Variants in INVS observed in about 807,000 individuals in gnomAD.
INVS encodes inversin.
A neutral mutation model predicts 108.8 loss-of-function variants in INVS; 86 were observed. The ratio of observed to expected loss-of-function variants is 0.79; its 90% CI spans 0.66 to 0.95. The LOEUF is 0.95. INVS is among the 40% of genes least tolerant of loss of function. INVS has a pLI of 0.00. For missense variants in INVS, 1,169 were observed against 1,297.4 expected (o/e 0.90, Z 1.52); for synonymous variants, 455 against 473.5 (o/e 0.96, Z 0.51).
chr9:100,202,556 C>T (rs1226160437), intron 3 of INVS, among the ~76,000 whole-genome samples: 1 of 152,104 alleles, frequency 6.6e-6, no homozygotes, highest in Non-Finnish European at 1.5e-5. Context: ...TTTTTCTTTT[C>T]CACTTCCTTT....
At chr9:100,223,099 T>A (rs1042742689) in intron 3 of INVS, among the ~76,000 whole-genome samples, 14 of 151,838 alleles carry the variant, frequency 9.2e-5, no homozygotes, top group South Asian at 2.1e-4. Flanking sequence ...TTATTTATTT[T>A]TAATTTTTTT....
chr9:100,217,836 C>T (rs183783749), intron 3 of INVS, among the ~76,000 whole-genome samples: 1 of 152,276 alleles, frequency 6.6e-6, no homozygotes, highest in East Asian at 1.9e-4. Context: ...CCTCTCCCAA[C>T]ACTATTGTGG....
At chr9:100,166,925 G>A (rs766483268) in intron 3 of INVS, among the ~76,000 whole-genome samples, 3 of 152,142 alleles carry the variant, frequency 2.0e-5, no homozygotes, top group African/African-American at 7.2e-5. Context: ...AAGCATGTCA[G>A]TCCTCTGCTC....
chr9:100,260,727 A>G (rs1832596094), intron 10 of INVS, among the ~76,000 whole-genome samples: 1 of 152,232 alleles, frequency 6.6e-6, no homozygotes, highest in Non-Finnish European at 1.5e-5. Context: ...TAAGATAACA[A>G]CAGTGGGGGA....
intron 3 of INVS, chr9:100,131,832 T>C (rs1421727833): frequency 3.1e-5 from 20 of 639,292 alleles, no homozygotes; most frequent in Non-Finnish European, 3.7e-5. Flanking sequence ...CATAAATAAT[T>C]CTCAGTTCAT....
intron 10 of INVS, among the ~76,000 whole-genome samples, chr9:100,263,582 C>A (rs1177145197): frequency 6.6e-6 from 1 of 152,230 alleles, no homozygotes; most frequent in Non-Finnish European, 1.5e-5. Context: ...TTAGATCAGG[C>A]CTACCCAGAT....
chr9:100,301,541 AG>A lies in INVS; in HGVS notation c.*870del, dbSNP rs1394432967. On this transcript the variant is annotated 3_prime_UTR_variant, in exon 17 of 17. Coordinates refer to ENST00000262457, the MANE Select transcript of INVS (RefSeq NM_014425.5). ...TTCTTAAAATGCCATTTCTGTTGGCAGGGAAGAATGAAACGGCACACATCCT... is the reference window on the plus strand; with the variant it reads ...TTCTTAAAATGCCATTTCTGTTGGCAGGAAGAATGAAACGGCACACATCCT... 6.6e-6 allele frequency among the ~76,000 whole-genome samples: 1 copy of A among 152,208 alleles called. No homozygotes were observed. The highest frequency in any genetic ancestry group is 2.4e-5 in the African/African-American group (1 of 41,452).
chr9:100,168,664 C>G (rs1292636022), intron 3 of INVS, among the ~76,000 whole-genome samples: 1 of 152,106 alleles, frequency 6.6e-6, no homozygotes, highest in Non-Finnish European at 1.5e-5. Flanking sequence ...AAATATCGGC[C>G]TTATTCATGG....
At chr9:100,235,732 T>C (rs758558260) in intron 5 of INVS, among the ~76,000 whole-genome samples, 47 of 152,188 alleles carry the variant, frequency 3.1e-4, no homozygotes, top group African/African-American at 1.1e-3. Flanking sequence ...TGCAGAGAGA[T>C]CTGCTGTTAA....
intron 3 of INVS, among the ~76,000 whole-genome samples, chr9:100,138,830 C>T (rs1004357834): frequency 7.9e-5 from 12 of 151,476 alleles, no homozygotes; most frequent in African/African-American, 1.5e-4. Context: ...CCTCAGTCTC[C>T]GAAGTAACAG....
At chr9:100,151,413 A>C (rs1028833235) in intron 3 of INVS, among the ~76,000 whole-genome samples, 1 of 152,152 alleles carries the variant, frequency 6.6e-6, no homozygotes, top group South Asian at 2.1e-4. Flanking sequence ...CAGGAGGTTG[A>C]GGCTGCAGTA....
intron 5 of INVS, among the ~76,000 whole-genome samples, chr9:100,238,036 G>A (rs965067780): frequency 1.3e-5 from 2 of 151,804 alleles, no homozygotes; most frequent in South Asian, 2.1e-4. Context: ...ATGCCACCAC[G>A]CACAGCTAAT....
chr9:100,229,678 A>T lies in INVS; in HGVS notation c.466A>T (p.Ser156Cys). ...TTTGCAGCAAACAGCTCTGCATTGGAGTGCCTACTACAATAACCCTGAGCA... is the reference window on the plus strand; with the variant it reads ...TTTGCAGCAAACAGCTCTGCATTGGTGTGCCTACTACAATAACCCTGAGCA... ...DKNKQTALHW[S>C]AYYNNPEHVK... is the part of the protein sequence containing the mutation. The change falls in exon 5 of 17, where the codon AGT becomes TGT. Residue 156 changes from serine (S) to cysteine (C), a missense_variant. Transcript: ENST00000262457. 5 of 1,614,072 alleles carry T rather than the reference A, an allele frequency of 3.1e-6. No individual in the cohort carries two copies. The highest frequency in any genetic ancestry group is 1.3e-5 in the African/African-American group (1 of 75,042).
chr9:100,175,824 A>T, intron 3 of INVS: 1 of 669,814 alleles, frequency 1.5e-6, no homozygotes, highest in Non-Finnish European at 2.7e-6. Context: ...TGGTGCACCC[A>T]ATCCTGGAAC....
chr9:100,106,194 G>A (rs1393665960), intron 2 of INVS, among the ~76,000 whole-genome samples: 1 of 151,922 alleles, frequency 6.6e-6, no homozygotes, highest in Non-Finnish European at 1.5e-5. Context: ...AATCTACCTC[G>A]ATCTGTACCC....
chr9:100,100,666 A>T (rs1476659313), intron 1 of INVS, among the ~76,000 whole-genome samples: 18 of 22,252 alleles, frequency 8.1e-4, no homozygotes, highest in Non-Finnish European at 9.4e-4. Context: ...TATATATATT[A>T]TATATGTACA....
At chr9:100,115,789 A>G (rs556760766) in intron 2 of INVS, among the ~76,000 whole-genome samples, 65 of 152,360 alleles carry the variant, frequency 4.3e-4, no homozygotes, top group African/African-American at 1.4e-3. Context: ...AGCATGATTT[A>G]TAATCCTTTG....
chr9:100,196,783 A>T (rs1282250941), intron 3 of INVS, among the ~76,000 whole-genome samples: 2 of 151,646 alleles, frequency 1.3e-5, no homozygotes, highest in Non-Finnish European at 2.9e-5. Context: ...TAAGCCTGTG[A>T]AATTTTCCTA....
At chr9:100,185,006 G>A (rs1588071484) in intron 3 of INVS, among the ~76,000 whole-genome samples, 1 of 152,156 alleles carries the variant, frequency 6.6e-6, no homozygotes, top group African/African-American at 2.4e-5. Flanking sequence ...AGTTATTAAT[G>A]ATTTTCCTCA....
Sources: gnomAD v4.1 joint callset for allele counts (sites outside exome capture counted in the v4.1 genomes callset) on GRCh38, gnomAD v4.1.1 for gene constraint, MANE v1.5 for transcripts, NCBI Gene and HGNC (gene_info 2026-07-23, HGNC 2026-07-21) for gene names.